The following CANX variants were observed in gnomAD, a reference collection of about 807,000 sequenced individuals.
CANX encodes the protein epididymis secretory sperm binding protein.
In CANX, 14 loss-of-function variants were observed where a neutral mutation model predicts 75.7. That is an observed-to-expected ratio of 0.19 (90% CI 0.12 to 0.29). CANX has a LOEUF of 0.29. Ranked by LOEUF, CANX falls within the 10% of genes least tolerant of loss-of-function variation. CANX has a pLI of 1.00. For synonymous variants in CANX, 227 were observed against 236.9 expected (o/e 0.96, Z 0.38); for missense variants, 567 against 713.2 (o/e 0.79, Z 2.34).
chr5:179,723,012 C>A lies in CANX; in HGVS notation c.1391C>A (p.Ala464Asp). The A allele has an allele frequency of 5.0e-6, 8 of 1,613,348 alleles. No homozygotes were observed. Among genetic ancestry groups the A allele is most frequent in the Non-Finnish European group, 6.8e-6 (8 of 1,179,364 alleles). The change falls in exon 11 of 15, where the codon GCT (alanine) becomes GAT (aspartate). Residue 464 changes from alanine to aspartate, a missense_variant. Ala to Asp is a moderately radical substitution (Grantham distance 126). Coordinates refer to ENST00000247461, the MANE Select transcript of CANX (RefSeq NM_001746.4). ...GWGLKKAADG[A>D]AEPGVVGQMI... ...GGCCTGAAGAAAGCTGCTGATGGGG[C>A]TGCTGAGGTTCGTGTTTGCTGCTTG...
chr5:179,692,543 G>A (rs1456976482), intron 1 of CANX, among the ~76,000 whole-genome samples: 2 of 151,974 alleles, frequency 1.3e-5, no homozygotes, highest in Non-Finnish European at 2.9e-5. Context: ...TTATTTTTTA[G>A]AGACAGGGTC....
intron 1 of CANX, among the ~76,000 whole-genome samples, chr5:179,693,347 C>A (rs1776334504): frequency 6.8e-6 from 1 of 147,078 alleles, no homozygotes; most frequent in Non-Finnish European, 1.5e-5. Flanking sequence ...TGAGACCAGC[C>A]TGGGCAAGAA....
rs756027102 is a variant in CANX, at chr5:179,716,304, G to T, written c.911+10G>T. The T allele has an allele frequency of 1.2e-6, 2 of 1,607,974 alleles. No homozygotes were observed. The highest frequency in any genetic ancestry group is 2.2e-5 in the South Asian group (2 of 90,646). On this transcript the variant is annotated intron_variant, in intron 8 of 14. Transcript: ENST00000247461. ...TCAAGCCAGATGACTGGTGAGTCTT[G>T]GGGAACTGTCTTCAAGTGTAAGGGA... is the stretch of plus-strand genomic sequence containing the variant.
chr5:179,678,978 G>A, intron 1 of CANX: 1 of 1,535,920 alleles, frequency 6.5e-7, no homozygotes, highest in Non-Finnish European at 8.7e-7. Context: ...TCGGCCTGGC[G>A]CGTGTTGTGG....
upstream of CANX, among the ~76,000 whole-genome samples, chr5:179,696,556 G>A (rs1029786034): frequency 7.9e-5 from 12 of 152,112 alleles, no homozygotes; most frequent in African/African-American, 2.7e-4. Flanking sequence ...CATTACAGGC[G>A]TGAGCCACTG....
chr5:179,709,772 T>A (rs931460308), intron 6 of CANX, 101 bp from the exon 7 acceptor site: 1 of 731,860 alleles, frequency 1.4e-6, no homozygotes, highest in East Asian at 2.7e-5. Flanking sequence ...GTCACTAATA[T>A]ATTTGGAATT....
chr5:179,716,241 T>C lies in CANX; in HGVS notation c.858T>C (p.Asp286=), dbSNP rs760883056. 1.9e-6 allele frequency: 3 copies of C among 1,614,168 alleles called. No individual in the cohort carries two copies. The highest frequency in any genetic ancestry group is 2.5e-6 in the Non-Finnish European group (3 of 1,180,032). The part of the protein sequence containing the change: ...IEDPEDRKPE[D]WDERPKIPDP... ...ACCCAGAAGACCGGAAGCCCGAGGATTGGGATGAAAGACCAAAAATCCCAG... is the reference window on the plus strand; with the variant it reads ...ACCCAGAAGACCGGAAGCCCGAGGACTGGGATGAAAGACCAAAAATCCCAG... Residue 286 remains aspartate (D), a synonymous_variant, in exon 8 of 15, where the codon GAT becomes GAC. Coordinates refer to ENST00000247461, the MANE Select transcript of CANX (RefSeq NM_001746.4).
intron 1 of CANX, among the ~76,000 whole-genome samples, chr5:179,691,104 C>T (rs1016245244): frequency 6.6e-5 from 10 of 151,956 alleles, no homozygotes; most frequent in Non-Finnish European, 1.0e-4. Flanking sequence ...TGGCTCATGG[C>T]AACTTCTGCC....
intron 1 of CANX, chr5:179,700,125 T>G (rs1776637002): frequency 6.6e-6 from 1 of 152,150 alleles, no homozygotes; most frequent in Non-Finnish European, 1.5e-5. Context: ...CAGTCCTGTT[T>G]CGCAGGACCT....
At chr5:179,697,850 T>C (rs1275081677), upstream of CANX, among the ~76,000 whole-genome samples, 3 of 152,044 alleles carry the variant, frequency 2.0e-5, no homozygotes, top group Non-Finnish European at 4.4e-5. Context: ...ATCGCACCAC[T>C]AGACTCCAGC....
chr5:179,725,040 T>G (rs1037611411), intron 13 of CANX, among the ~76,000 whole-genome samples: 2 of 152,038 alleles, frequency 1.3e-5, no homozygotes, highest in Non-Finnish European at 2.9e-5. Context: ...TTTTATTTTT[T>G]AAGACAAGGT....
chr5:179,682,373 G>A (rs1306825347), intron 1 of CANX, among the ~76,000 whole-genome samples: 4 of 150,922 alleles, frequency 2.7e-5, no homozygotes, highest in East Asian at 1.9e-4. Context: ...TCAGGAGATC[G>A]AGATCATCCT....
intron 1 of CANX, among the ~76,000 whole-genome samples, chr5:179,682,949 G>A (rs1010067975): frequency 3.3e-5 from 5 of 152,266 alleles, no homozygotes; most frequent in Middle Eastern, 3.4e-3. Context: ...TGCCACGTGT[G>A]CGGACAGTGG....
upstream of CANX, chr5:179,698,625 G>A: frequency 1.6e-6 from 2 of 1,271,140 alleles, no homozygotes; most frequent in Non-Finnish European, 1.0e-6. Flanking sequence ...TGGGGGTTGG[G>A]TTGGAACGCC....
At chr5:179,711,444 A>G (rs1045871788) in intron 7 of CANX, among the ~76,000 whole-genome samples, 1 of 151,892 alleles carries the variant, frequency 6.6e-6, no homozygotes, top group African/African-American at 2.4e-5. Flanking sequence ...AAAAAACCCA[A>G]AAAACTTCTT....
At chr5:179,694,254 G>A (rs1308712902), upstream of CANX, 4 of 416,676 alleles carry the variant, frequency 9.6e-6, no homozygotes, top group Non-Finnish European at 1.8e-5. Context: ...TGTCTTCTTT[G>A]TGCAGACATG....
intron 1 of CANX, among the ~76,000 whole-genome samples, chr5:179,682,569 G>C (rs1776094888): frequency 6.6e-6 from 1 of 152,052 alleles, no homozygotes; most frequent in Admixed American, 6.6e-5. Context: ...AATTAGCCGG[G>C]CATGGTGGTG....
At chr5:179,710,485 A>C (rs891637403) in intron 7 of CANX, among the ~76,000 whole-genome samples, 7 of 150,664 alleles carry the variant, frequency 4.6e-5, no homozygotes, top group South Asian at 4.2e-4. Flanking sequence ...AGGCGGGTGG[A>C]TCACAAGGTC....
Position 179,724,642 on chromosome 5 carries a change from T to TG in CANX, c.1519-11dup. 2 of 1,609,642 alleles carry TG rather than the reference T, an allele frequency of 1.2e-6. No homozygotes were observed. The highest frequency in any genetic ancestry group is 1.7e-6 in the Non-Finnish European group (2 of 1,177,472). On this transcript the variant is annotated splice_polypyrimidine_tract_variant and intron_variant, in intron 12 of 14. Transcript: ENST00000247461. ...TGAACATGTAAACAAAATTGTACTTTGGGGAACATTTCAGAAACAGACCAG... is the reference window on the plus strand; with the variant it reads ...TGAACATGTAAACAAAATTGTACTTTGGGGGAACATTTCAGAAACAGACCAG...
Sources: allele counts gnomAD v4.1 joint callset (sites outside exome capture counted in the v4.1 genomes callset), GRCh38; gene constraint gnomAD v4.1.1; transcripts MANE v1.5; gene names NCBI Gene and HGNC (gene_info 2026-07-23, HGNC 2026-07-21).